The following VWA5A variants were observed in gnomAD, a reference collection of about 807,000 sequenced individuals.
VWA5A encodes von Willebrand factor A domain-containing protein 5A.
Under a neutral mutation model 84.6 loss-of-function variants are expected in VWA5A, and 77 were observed. The observed-to-expected ratio is 0.91, with a 90% CI of 0.76 to 1.10. VWA5A has a LOEUF of 1.10. Ranked by LOEUF, VWA5A falls within the 50% of genes least tolerant of loss-of-function variation. The pLI, the probability that VWA5A is intolerant of heterozygous loss-of-function variation, is 0.00. For missense variants in VWA5A, 973 were observed against 963.0 expected (o/e 1.01, Z -0.14); for synonymous variants, 334 against 350.1 (o/e 0.95, Z 0.51).
Position 124,117,572 on chromosome 11 carries a change from C to A in VWA5A, c.43+18C>A, listed in dbSNP as rs779875435. ...GGAGCCAGGTAAGCCTAATTTGTGA[C>A]TCTTACTTGCCATTGAATCTTTGGC... is the stretch of plus-strand genomic sequence containing the variant. On this transcript the variant is annotated intron_variant, in intron 3 of 18. Coordinates refer to ENST00000456829, the MANE Select transcript of VWA5A (RefSeq NM_001130142.2). The A allele has an allele frequency of 5.3e-5, 86 of 1,614,024 alleles. No individual in the cohort carries two copies. Among genetic ancestry groups the A allele is most frequent in the Non-Finnish European group, 7.3e-5 (86 of 1,180,014 alleles).
intron 11 of VWA5A, among the ~76,000 whole-genome samples, chr11:124,125,044 G>C (rs186398896): frequency 6.6e-6 from 1 of 152,136 alleles, no homozygotes; most frequent in East Asian, 1.9e-4. Context: ...TTGTATTCTT[G>C]TACATGTATT....
At chr11:124,124,692 A>C in intron 11 of VWA5A, 1 of 447,664 alleles carries the variant, frequency 2.2e-6, no homozygotes, top group Non-Finnish European at 3.0e-6. Flanking sequence ...CATAGGTAAA[A>C]ACTGGAATGG....
At chr11:124,118,482 T>A in intron 5 of VWA5A, 51 bp from the exon 6 acceptor site, 1 of 1,610,902 alleles carries the variant, frequency 6.2e-7, no homozygotes, top group Non-Finnish European at 8.5e-7. Context: ...AGGTTGAGAG[T>A]GTCATAAAAA....
Position 124,136,310 on chromosome 11 carries a change from AT to A in VWA5A, c.1524+20del. On this transcript the variant is annotated intron_variant, in intron 13 of 18. Coordinates refer to ENST00000456829, the MANE Select transcript of VWA5A (RefSeq NM_001130142.2). ...AGGATGCCAGTGAGTTCCCATTCTT[AT>A]TTGTTCCTCTAGTCAAAGAGCTACC... 1.2e-6 allele frequency: 2 copies of A among 1,606,626 alleles called. No individual in the cohort carries two copies. Among genetic ancestry groups the A allele is most frequent in the Non-Finnish European group, 1.7e-6 (2 of 1,174,450 alleles).
intron 14 of VWA5A, 68 bp downstream of exon 14, chr11:124,136,742 T>G (rs866697325): frequency 2.8e-6 from 3 of 1,069,888 alleles, no homozygotes; most frequent in East Asian, 2.8e-5. Context: ...CCTTCCTTCC[T>G]TCCTTCATTC....
Position 124,124,258 on chromosome 11 carries a change from G to A in VWA5A, c.1186G>A (p.Glu396Lys), listed in dbSNP as rs1262726879. 6 of 1,613,844 alleles carry A rather than the reference G, an allele frequency of 3.7e-6. No homozygotes were observed. Among genetic ancestry groups the A allele is most frequent in the Non-Finnish European group, 4.2e-6 (5 of 1,179,954 alleles). Residue 396 changes from glutamate (E) to lysine (K), a missense_variant, in exon 11 of 19, where the codon GAA (glutamate) becomes AAA (lysine). By Grantham distance (56) the Glu-to-Lys change is moderately conservative. Transcript: ENST00000456829. ...ATAGCTTTTTGTCTTTACAGATGGA[G>A]AAGTTACAGACACGTTTAGTGTAAT... ...PLQLFVFTDGEVTDTFSVIKE... is the reference protein window; with the variant it reads ...PLQLFVFTDGKVTDTFSVIKE...
rs575108958 is a variant in VWA5A, at chr11:124,131,396, T to C, written c.1245-3524T>C. ...ATTGTCTATTTTTGGAATTTTTTTA[T>C]TTAATATGTTTGGACTGCAGTGGAC... On this transcript the variant is annotated intron_variant, in intron 11 of 18. Coordinates refer to ENST00000456829, the MANE Select transcript of VWA5A (RefSeq NM_001130142.2). Among the ~76,000 whole-genome samples the C allele has an allele frequency of 5.1e-4, 77 of 152,184 alleles. 1 individual carries two copies. In the South Asian group the frequency reaches 0.013, roughly 26 times the overall value.
rs982081697 is a variant in VWA5A, at chr11:124,145,964, G to C, written c.*19G>C. On this transcript the variant is annotated 3_prime_UTR_variant, in exon 19 of 19. Coordinates refer to ENST00000456829, the MANE Select transcript of VWA5A (RefSeq NM_001130142.2). ...CTTTTGAAGATACCATCCAGAAAAA[G>C]AAGTGCCTTTAATTTGCTACTGTCA... 7.6e-6 allele frequency: 12 copies of C among 1,572,574 alleles called. No homozygotes were observed. Among genetic ancestry groups the C allele is most frequent in the Non-Finnish European group, 1.0e-5 (12 of 1,155,186 alleles).
Position 124,136,570 on chromosome 11 carries a change from G to T in VWA5A, c.1525-4G>T, listed in dbSNP as rs755371281. ...CGTCATTTCTACTCATCTCTAATTT[G>T]CAGGCAGCAGAGACAACAGGAGAAG... On this transcript the variant is annotated splice_polypyrimidine_tract_variant and splice_region_variant and intron_variant, in intron 13 of 18. Transcript: ENST00000456829. 1 of 1,613,364 alleles carries T rather than the reference G, an allele frequency of 6.2e-7. No individual in the cohort carries two copies. The highest frequency in any genetic ancestry group is 8.5e-7 in the Non-Finnish European group (1 of 1,179,410).
intron 11 of VWA5A, among the ~76,000 whole-genome samples, chr11:124,128,889 A>G (rs1353375745): frequency 6.6e-6 from 1 of 152,234 alleles, no homozygotes; most frequent in Admixed American, 6.5e-5. Flanking sequence ...GGCTGAGACG[A>G]TAAGGTTTTC....
intron 11 of VWA5A, among the ~76,000 whole-genome samples, chr11:124,130,852 A>G (rs1029245534): frequency 2.6e-5 from 4 of 152,078 alleles, no homozygotes; most frequent in African/African-American, 9.7e-5. Flanking sequence ...GTTCCTTACT[A>G]TTGGGCTGTT....
intron 11 of VWA5A, among the ~76,000 whole-genome samples, chr11:124,126,552 A>G (rs1455941863): frequency 1.3e-5 from 2 of 152,160 alleles, no homozygotes; most frequent in Non-Finnish European, 2.9e-5. Flanking sequence ...CGAGGTCAGG[A>G]GTTTGAGACC....
rs1404562213 is a variant in VWA5A, at chr11:124,141,701, T to A, written c.1983T>A (p.Ser661Arg). The A allele has an allele frequency of 6.2e-7, 1 of 1,614,164 alleles. No individual in the cohort carries two copies. The highest frequency in any genetic ancestry group is 1.1e-5 in the South Asian group (1 of 91,072). ...AGACATTCCAGATGGACGATTACAGTCTCTGTGGGTTGATAAGTCACAAGG... is the reference window on the plus strand; with the variant it reads ...AGACATTCCAGATGGACGATTACAGACTCTGTGGGTTGATAAGTCACAAGG... The part of the protein sequence containing the change: ...KAKTFQMDDY[S>R]LCGLISHKDQ... The change falls in exon 16 of 19, where the codon AGT becomes AGA. Residue 661 changes from serine to arginine, a missense_variant. Coordinates refer to ENST00000456829, the MANE Select transcript of VWA5A (RefSeq NM_001130142.2).
At chr11:124,122,078 A>T (rs930406035) in intron 7 of VWA5A, among the ~76,000 whole-genome samples, 30 of 152,248 alleles carry the variant, frequency 2.0e-4, no homozygotes, top group Non-Finnish European at 5.9e-5. Flanking sequence ...ACTGAGCCAG[A>T]TTCTATTGTC....
intron 2 of VWA5A, among the ~76,000 whole-genome samples, 196 bp downstream of exon 2, chr11:124,116,876 A>G (rs1030114766): frequency 2.0e-5 from 3 of 152,224 alleles, no homozygotes; most frequent in Non-Finnish European, 2.9e-5. Context: ...TTTGGGTCCC[A>G]AAAGAAAAGC....
At chr11:124,124,686 G>A (rs1864990572) in intron 11 of VWA5A, 1 of 471,314 alleles carries the variant, frequency 2.1e-6, no homozygotes, top group Non-Finnish European at 2.8e-6. Flanking sequence ...TCGCCACATA[G>A]GTAAAAACTG....
Position 124,137,155 on chromosome 11 carries a change from T to C in VWA5A, c.1766T>C (p.Ile589Thr), listed in dbSNP as rs970002470. The C allele has an allele frequency of 1.2e-6, 2 of 1,614,008 alleles. No individual in the cohort carries two copies. Among genetic ancestry groups the C allele is most frequent in the East Asian group, 2.2e-5 (1 of 44,878 alleles). Residue 589 changes from isoleucine to threonine, a missense_variant, in exon 15 of 19, where the codon ATT (isoleucine) becomes ACT (threonine). Transcript: ENST00000456829. ...GTCATAAGCTCCTTCACAGCTTTCA[T>C]TGCTATCAATAAGGAGCTCAACAAG... Reference protein sequence around the residue: ...SGVISSFTAFIAINKELNKPV... With the variant: ...SGVISSFTAFTAINKELNKPV...
intron 7 of VWA5A, among the ~76,000 whole-genome samples, chr11:124,120,187 A>G (rs1040991098): frequency 6.6e-6 from 1 of 152,132 alleles, no homozygotes; most frequent in Non-Finnish European, 1.5e-5. Context: ...TAATAACTTT[A>G]GTTTCTTAGT....
chr11:124,121,485 A>ATT (rs143996169), intron 7 of VWA5A, among the ~76,000 whole-genome samples: 5 of 149,560 alleles, frequency 3.3e-5, no homozygotes, highest in Non-Finnish European at 7.4e-5. Flanking sequence ...TTATTTTGTG[A>ATT]TTTTTTTTTT....
Sources: gnomAD v4.1 joint callset for allele counts (sites outside exome capture counted in the v4.1 genomes callset) on GRCh38, gnomAD v4.1.1 for gene constraint, MANE v1.5 for transcripts, NCBI Gene and HGNC (gene_info 2026-07-23, HGNC 2026-07-21) for gene names.